Variants in LY9 observed in about 807,000 individuals in gnomAD.
The protein encoded by LY9 is T-lymphocyte surface antigen Ly-9.
A neutral mutation model predicts 64.6 loss-of-function variants in LY9; 59 were observed. The observed-to-expected ratio is 0.91, with a 90% CI of 0.74 to 1.13. LY9 has a LOEUF of 1.13. Among genes scored for constraint, LY9 ranks in the 50% most tolerant of loss-of-function variants. LY9 has a pLI of 0.00. For missense variants in LY9, 789 were observed against 797.2 expected (o/e 0.99, Z 0.12); for synonymous variants, 281 against 308.5 (o/e 0.91, Z 0.93).
At chr1:160,806,901 T>C (rs1301491831) in intron 2 of LY9, among the ~76,000 whole-genome samples, 1 of 152,292 alleles carries the variant, frequency 6.6e-6, no homozygotes, top group African/African-American at 2.4e-5. Flanking sequence ...GTAACAAAGG[T>C]TTAGCTCATT....
chr1:160,798,238 A>G (rs1666085630), intron 1 of LY9, among the ~76,000 whole-genome samples: 1 of 152,100 alleles, frequency 6.6e-6, no homozygotes, highest in African/African-American at 2.4e-5. Context: ...GTCAAGACCC[A>G]GCAGCTCCTG....
rs2101848525 is a variant in LY9, at chr1:160,828,051, T to G, written c.*235T>G. The G allele has an allele frequency of 3.0e-6, 1 of 335,890 alleles. No homozygotes were observed. The highest frequency in any genetic ancestry group is 5.5e-6 in the Non-Finnish European group (1 of 182,914). 20.8% of individuals were successfully genotyped at this position (335,890 alleles called of 1,614,324 possible). A position where few individuals can be genotyped will look rare whatever the true frequency, so the allele number is the denominator to read the frequency against. ...TGGGCTTCAGATGTCTTTGCCCCAT[T>G]TGTCACCTCGCACACTTATAGCGTT... On this transcript the variant is annotated 3_prime_UTR_variant, in exon 10 of 10. Transcript: ENST00000263285.
At chr1:160,816,134 CT>C (rs1252007731) in intron 4 of LY9, among the ~76,000 whole-genome samples, 63 of 152,304 alleles carry the variant, frequency 4.1e-4, no homozygotes, top group African/African-American at 4.8e-5. Context: ...CTTATTGTTT[CT>C]TTTAAAGTTG....
At chr1:160,818,382 C>A in intron 6 of LY9, 63 bp downstream of exon 6, 1 of 1,207,922 alleles carries the variant, frequency 8.3e-7, no homozygotes, top group Non-Finnish European at 1.2e-6. Flanking sequence ...CTTGTGGAGG[C>A]TTCTCTGCCC....
At chr1:160,823,417 A>G in intron 7 of LY9, 48 bp from the exon 8 acceptor site, 3 of 1,432,748 alleles carry the variant, frequency 2.1e-6, no homozygotes, top group Non-Finnish European at 2.9e-6. Flanking sequence ...AAGCAAGAAG[A>G]GAGGTGGGGT....
chr1:160,804,614 G>A (rs1666803457), intron 2 of LY9, among the ~76,000 whole-genome samples: 1 of 152,140 alleles, frequency 6.6e-6, no homozygotes. Flanking sequence ...AATGAGTTAA[G>A]GAAAATTCCC....
chr1:160,797,641 C>G (rs919512219), intron 1 of LY9, among the ~76,000 whole-genome samples: 3 of 152,226 alleles, frequency 2.0e-5, no homozygotes, highest in Non-Finnish European at 2.9e-5. Context: ...AAATCTCACT[C>G]TTTTGGTCTG....
chr1:160,803,290 A>ATT (rs55716945), intron 2 of LY9, among the ~76,000 whole-genome samples: 7 of 151,162 alleles, frequency 4.6e-5, no homozygotes, highest in Admixed American at 1.3e-4. Context: ...CTAAAAAAAA[A>ATT]TTTTTTTTTT....
intron 2 of LY9, chr1:160,801,852 G>A (rs1466848164): frequency 1.2e-6 from 2 of 1,614,018 alleles, no homozygotes; most frequent in East Asian, 2.2e-5. Context: ...ACTCCTGGAG[G>A]GCAGCGGCCT....
At position 160,799,885 on chromosome 1, in the gene LY9, C is replaced by A. The variant is rs758622526; in HGVS notation, c.257C>A (p.Ala86Asp). ...ENVIWIGPKN[A>D]LAFARPKENV... Reference sequence around the variant, plus strand: ...GTCATCTGGATTGGTCCCAAAAATGCTCTTGCTTTCGCACGTCCCAAAGAA... The same window carrying A: ...GTCATCTGGATTGGTCCCAAAAATGATCTTGCTTTCGCACGTCCCAAAGAA... Residue 86 changes from alanine (A) to aspartate (D), a missense_variant, in exon 2 of 10, where the codon GCT becomes GAT. Coordinates refer to ENST00000263285, the MANE Select transcript of LY9 (RefSeq NM_002348.4). 1.2e-6 allele frequency: 2 copies of A among 1,614,194 alleles called. No individual in the cohort carries two copies. The highest frequency in any genetic ancestry group is 1.7e-6 in the Non-Finnish European group (2 of 1,180,038).
At chr1:160,827,628 C>A in intron 9 of LY9, 120 bp from the exon 10 acceptor site, 1 of 709,466 alleles carries the variant, frequency 1.4e-6, no homozygotes, top group Non-Finnish European at 2.3e-6. Context: ...TGGGCCAGCA[C>A]ATATGACTCT....
Position 160,818,248 on chromosome 1 carries a change from G to T in LY9, c.1373G>T (p.Gly458Val). ...GAGAGAAACACAAAGCTTTGGATTG[G>T]GTTGTTCCTGATGGTTTGCCTTCTG... ...GPERNTKLWI[G>V]LFLMVCLLCV... The change falls in exon 6 of 10, where the codon GGG (glycine) becomes GTG (valine). Residue 458 changes from glycine to valine, a missense_variant. Coordinates refer to ENST00000263285, the MANE Select transcript of LY9 (RefSeq NM_002348.4). The T allele has an allele frequency of 1.2e-6, 2 of 1,613,932 alleles. No individual in the cohort carries two copies. The highest frequency in any genetic ancestry group is 1.7e-6 in the Non-Finnish European group (2 of 1,179,868).
chr1:160,809,333 T>TTTATTATTATTA (rs138398905), intron 2 of LY9, among the ~76,000 whole-genome samples: 1,676 of 140,238 alleles, frequency 0.012, 43 homozygotes, highest in African/African-American at 0.042. Context: ...AAATCCTGAA[T>TTTATTATTATTA]TTATTATTAT....
rs559330126 is a variant in LY9 at position 160,804,009 on chromosome 1, C to CA, written c.454+3937dup. On this transcript the variant is annotated intron_variant, in intron 2 of 9. Coordinates refer to ENST00000263285, the MANE Select transcript of LY9 (RefSeq NM_002348.4). ...TGGGTGAAAAAATGAGACCCTGTCT[C>CA]AAAAAAAAAATTACATCATCAGCAA... 2.5e-3 allele frequency among the ~76,000 whole-genome samples: 365 copies of CA among 148,904 alleles called. 1 individual carries two copies. The highest frequency in any genetic ancestry group is 9.6e-3 in the South Asian group (45 of 4,692).
intron 7 of LY9, among the ~76,000 whole-genome samples, chr1:160,823,194 G>C (rs1668610128): frequency 6.6e-6 from 1 of 152,176 alleles, no homozygotes. Flanking sequence ...AATGATGCTT[G>C]GCATGGTTTA....
intron 6 of LY9, 37 bp downstream of exon 6, chr1:160,818,356 G>A: frequency 6.6e-7 from 1 of 1,505,974 alleles, no homozygotes; most frequent in Non-Finnish European, 9.2e-7. Flanking sequence ...GCCAGTGCTA[G>A]GCCATTTCCC....
At chr1:160,802,727 A>AATAC in intron 2 of LY9, 1 of 914,340 alleles carries the variant, frequency 1.1e-6, no homozygotes, top group Non-Finnish European at 1.3e-6. Context: ...TAAATAAATA[A>AATAC]AAAGTATCTT....
At chr1:160,801,842 A>G (rs1211077913) in intron 2 of LY9, 1 of 1,614,020 alleles carries the variant, frequency 6.2e-7, no homozygotes, top group Non-Finnish European at 8.5e-7. Flanking sequence ...ACCACCGCAC[A>G]CTCCTGGAGG....
intron 2 of LY9, among the ~76,000 whole-genome samples, chr1:160,803,452 GT>G (rs1666697451): frequency 6.6e-6 from 1 of 151,992 alleles, no homozygotes; most frequent in South Asian, 2.1e-4. Flanking sequence ...ATTTGTTTGT[GT>G]CATCTATGAT....
Sources: allele counts gnomAD v4.1 joint callset (sites outside exome capture counted in the v4.1 genomes callset), GRCh38; gene constraint gnomAD v4.1.1; transcripts MANE v1.5; gene names NCBI Gene and HGNC (gene_info 2026-07-23, HGNC 2026-07-21).